Variants in NCAM1 observed in about 807,000 individuals in gnomAD.
NCAM1 encodes neural cell adhesion molecule 1.
Under a neutral mutation model 109.8 loss-of-function variants are expected in NCAM1, and 14 were observed. That is an observed-to-expected ratio of 0.13 (90% confidence interval 0.08 to 0.20). The LOEUF is 0.20. NCAM1 is among the 10% of genes least tolerant of loss of function. The pLI, the probability that NCAM1 is intolerant of heterozygous loss-of-function variation, is 1.00. For missense variants in NCAM1, 774 were observed against 1,109.9 expected, an observed-to-expected ratio of 0.70 and a Z score of 4.30; for synonymous variants, 418 against 442.9, an observed-to-expected ratio of 0.94 and a Z score of 0.70.
intron 1 of NCAM1, among the ~76,000 whole-genome samples, chr11:113,037,098 C>A (rs118144194): frequency 0.012 from 1,841 of 152,248 alleles, 14 homozygotes; most frequent in Non-Finnish European, 0.021. Context: ...TATCAGGTAC[C>A]TGATACCACA....
intron 1 of NCAM1, among the ~76,000 whole-genome samples, chr11:113,168,414 C>T (rs1432959500): frequency 6.6e-6 from 1 of 152,150 alleles, no homozygotes; most frequent in Non-Finnish European, 1.5e-5. Context: ...TCGTGGCAGC[C>T]TCCCTGCTAG....
chr11:113,260,197 G>A lies in NCAM1; in HGVS notation c.2005G>A (p.Val669Ile), dbSNP rs542274622. Reference protein sequence around the residue: ...EIRLPSGSDHVMLKSLDWNAE... With the variant: ...EIRLPSGSDHIMLKSLDWNAE... ...CAGGCTCCCGTCTGGCAGTGACCAC[G>A]TCATGCTGAAGTCCCTGGACTGGAA... Residue 669 changes from valine to isoleucine, a missense_variant, in exon 17 of 20, where the codon GTC becomes ATC. By Grantham distance (29) the Val-to-Ile change is conservative. This residue lies in a region of NCAM1 where 523 missense variants were observed against 784.2 expected (regional missense o/e 0.67). Coordinates refer to ENST00000316851, the MANE Select transcript of NCAM1 (RefSeq NM_181351.5). The A allele has an allele frequency of 5.0e-5, 81 of 1,613,910 alleles. No homozygotes were observed. The Admixed American group carries it at 5.5e-4, about 11-fold the overall frequency.
chr11:113,043,867 T>C (rs1278485347), intron 1 of NCAM1, among the ~76,000 whole-genome samples: 6 of 151,836 alleles, frequency 4.0e-5, no homozygotes, highest in Admixed American at 3.3e-4. Context: ...CCACCTAGCA[T>C]TGTGTCATGT....
chr11:113,071,857 T>A lies in NCAM1; in HGVS notation c.52+110193T>A, dbSNP rs1160640720. On this transcript the variant is annotated intron_variant, in intron 1 of 19. Transcript: ENST00000316851. ...TTGGGAACTTAAAAAGAACCTGAAG[T>A]TTGCCAGTTAGACACCGTGGCTCAC... Among the ~76,000 whole-genome samples, 4 of 152,254 alleles carry A rather than the reference T, an allele frequency of 2.6e-5. No homozygotes were observed. In the East Asian group the frequency reaches 7.7e-4, roughly 29 times the overall value.
In NCAM1 at chr11:113,277,740, C is replaced by T. The variant is rs538524945; in HGVS notation, c.*2353C>T. 7.0e-5 allele frequency: 19 copies of T among 271,458 alleles called. No homozygotes were observed. The highest frequency in any genetic ancestry group is 7.6e-5 in the Non-Finnish European group (11 of 145,412). The allele number at this position is 271,458 out of a possible 1,614,324, so 16.8% of individuals were successfully genotyped here. Reference sequence around the variant, plus strand: ...TCACCTGGCCCGGGACAGCTGACCCCCTAGAACCCTGGCTCTGCCATTAGC... The same window carrying T: ...TCACCTGGCCCGGGACAGCTGACCCTCTAGAACCCTGGCTCTGCCATTAGC... On this transcript the variant is annotated 3_prime_UTR_variant, in exon 20 of 20. Coordinates refer to ENST00000316851, the MANE Select transcript of NCAM1 (RefSeq NM_181351.5).
At chr11:113,030,095 C>A (rs1255170647) in intron 1 of NCAM1, among the ~76,000 whole-genome samples, 1 of 152,114 alleles carries the variant, frequency 6.6e-6, no homozygotes, top group Non-Finnish European at 1.5e-5. Flanking sequence ...GCTCTGTGAC[C>A]CCAGGCAAGT....
intron 1 of NCAM1, among the ~76,000 whole-genome samples, chr11:113,168,610 ACTT>A (rs2136432002): frequency 6.6e-6 from 1 of 152,180 alleles, no homozygotes; most frequent in Non-Finnish European, 1.5e-5. Flanking sequence ...ACTATCTTCC[ACTT>A]CTGTTTGAGA....
chr11:112,984,971 A>C (rs1277695193), intron 1 of NCAM1, among the ~76,000 whole-genome samples: 1 of 151,614 alleles, frequency 6.6e-6, no homozygotes, highest in East Asian at 1.9e-4. Flanking sequence ...ATCATTGCCA[A>C]GACCAGTGTC....
At chr11:113,189,449 CAAAAAAAA>C (rs10712434) in intron 1 of NCAM1, among the ~76,000 whole-genome samples, 1 of 118,044 alleles carries the variant, frequency 8.5e-6, no homozygotes, top group Non-Finnish European at 1.8e-5. Context: ...GATTCTGTCT[CAAAAAAAA>C]AAAAAAAAAA....
chr11:113,236,709 C>T (rs1156968868), intron 14 of NCAM1, among the ~76,000 whole-genome samples: 3 of 152,330 alleles, frequency 2.0e-5, no homozygotes, highest in African/African-American at 7.2e-5. Flanking sequence ...GACCACAGCC[C>T]CACCAGGCCA....
intron 1 of NCAM1, among the ~76,000 whole-genome samples, chr11:112,993,160 G>A (rs529499601): frequency 5.1e-4 from 77 of 152,318 alleles, no homozygotes; most frequent in Non-Finnish European, 9.6e-4. Context: ...AGGAAAAGAG[G>A]TTTAATTGGC....
chr11:113,221,168 C>A, intron 8 of NCAM1, 128 bp from the exon 9 acceptor site: 2 of 870,496 alleles, frequency 2.3e-6, no homozygotes, highest in Non-Finnish European at 3.6e-6. Flanking sequence ...TGAAAGTGGG[C>A]CTTGGAAAAA....
chr11:113,206,992 T>C (rs1309706376), intron 5 of NCAM1, among the ~76,000 whole-genome samples: 1 of 152,238 alleles, frequency 6.6e-6, no homozygotes, highest in Non-Finnish European at 1.5e-5. Flanking sequence ...TGACTATAAA[T>C]TGAATACCAT....
chr11:113,197,134 C>T, intron 1 of NCAM1: 1 of 178,706 alleles, frequency 5.6e-6, no homozygotes, highest in Non-Finnish European at 1.3e-5. Context: ...GGGGAAACTG[C>T]CCCCATGACC....
At chr11:113,192,107 TG>T (rs1943695665) in intron 1 of NCAM1, among the ~76,000 whole-genome samples, 1 of 152,200 alleles carries the variant, frequency 6.6e-6, no homozygotes, top group Admixed American at 6.5e-5. Flanking sequence ...GAGAGGGAAA[TG>T]CTTCGCCTTG....
rs576853578 is a variant in NCAM1 at position 113,103,568 on chromosome 11, C to T, written c.53-98811C>T. On this transcript the variant is annotated intron_variant, in intron 1 of 19. Coordinates refer to ENST00000316851, the MANE Select transcript of NCAM1 (RefSeq NM_181351.5). ...CCCATCTACGTTACCTGCCTCCACA[C>T]GTGCAGAACTCCCCACTCACCTCCC... 8.5e-5 allele frequency among the ~76,000 whole-genome samples: 13 copies of T among 152,272 alleles called. No homozygotes were observed. The East Asian group carries it at 2.1e-3, about 25-fold the overall frequency.
At chr11:113,076,216 C>G (rs1555086097) in intron 1 of NCAM1, among the ~76,000 whole-genome samples, 1 of 152,172 alleles carries the variant, frequency 6.6e-6, no homozygotes, top group Non-Finnish European at 1.5e-5. Flanking sequence ...GGGGAAAGTT[C>G]TTGCTTCAGG....
intron 1 of NCAM1, among the ~76,000 whole-genome samples, chr11:113,163,502 TCTC>T (rs1252170778): frequency 6.6e-6 from 1 of 152,140 alleles, no homozygotes; most frequent in African/African-American, 2.4e-5. Flanking sequence ...CTGAGGTTCT[TCTC>T]CTGGGAATTG....
intron 1 of NCAM1, among the ~76,000 whole-genome samples, chr11:112,994,121 C>T (rs1555070996): frequency 6.6e-6 from 1 of 152,168 alleles, no homozygotes; most frequent in Non-Finnish European, 1.5e-5. Flanking sequence ...TCAAGTTATT[C>T]CCAAAGGAAG....
Sources: allele counts gnomAD v4.1 joint callset (sites outside exome capture counted in the v4.1 genomes callset), GRCh38; gene constraint gnomAD v4.1.1; regional missense constraint gnomAD v4.1.1; transcripts MANE v1.5; gene names NCBI Gene and HGNC (gene_info 2026-07-23, HGNC 2026-07-21).